The following DNASE1L3 variants were observed in gnomAD, a reference collection of about 807,000 sequenced individuals.
DNASE1L3 encodes deoxyribonuclease gamma.
DNASE1L3 carries 27 observed loss-of-function variants against 30.9 expected under a neutral mutation model. The observed-to-expected ratio is 0.87, with a 90% CI of 0.64 to 1.20. The LOEUF is 1.20. DNASE1L3 is among the 50% of genes most tolerant of loss of function. The pLI, the probability that DNASE1L3 is intolerant of heterozygous loss-of-function variation, is 0.00. For synonymous variants in DNASE1L3, 135 were observed against 138.0 expected (o/e 0.98, Z 0.15); for missense variants, 364 against 378.2 (o/e 0.96, Z 0.31).
intron 7 of DNASE1L3, 48 bp downstream of exon 7, chr3:58,193,295 C>T (rs778973623): frequency 1.2e-6 from 2 of 1,600,246 alleles, no homozygotes; most frequent in African/African-American, 1.3e-5. Flanking sequence ...CCCAAGCTAA[C>T]TCATCTTTCC....
At chr3:58,193,487 G>A (rs763090079) in intron 6 of DNASE1L3, 48 bp from the exon 7 acceptor site, 48 of 1,518,622 alleles carry the variant, frequency 3.2e-5, no homozygotes, top group Non-Finnish European at 1.5e-5. Context: ...ACCTGTGATT[G>A]CTGAGATCAA....
At chr3:58,205,861 G>A (rs1229914559) in intron 2 of DNASE1L3, among the ~76,000 whole-genome samples, 1 of 152,114 alleles carries the variant, frequency 6.6e-6, no homozygotes, top group Non-Finnish European at 1.5e-5. Context: ...CCCAAAACCC[G>A]CATGCTTTGG....
At chr3:58,203,783 G>C (rs2097402235) in intron 4 of DNASE1L3, among the ~76,000 whole-genome samples, 1 of 151,994 alleles carries the variant, frequency 6.6e-6, no homozygotes, top group Admixed American at 6.6e-5. Flanking sequence ...CTGGATGACA[G>C]AGCAAGGCCC....
At chr3:58,198,954 C>T (rs2097398984) in intron 5 of DNASE1L3, among the ~76,000 whole-genome samples, 1 of 152,168 alleles carries the variant, frequency 6.6e-6, no homozygotes, top group Non-Finnish European at 1.5e-5. Context: ...AACTTCCTAT[C>T]TTGGAAATAT....
At chr3:58,201,731 T>C (rs1341473467) in intron 4 of DNASE1L3, among the ~76,000 whole-genome samples, 3 of 152,258 alleles carry the variant, frequency 2.0e-5, no homozygotes, top group Non-Finnish European at 1.5e-5. Context: ...GCTTAGATTG[T>C]GTGGTCTGGC....
intron 4 of DNASE1L3, among the ~76,000 whole-genome samples, chr3:58,204,179 C>T (rs1308355910): frequency 2.0e-5 from 3 of 148,016 alleles, no homozygotes; most frequent in Admixed American, 6.8e-5. Context: ...CTCACTCTAT[C>T]GCCCAAGCTG....
intron 1 of DNASE1L3, among the ~76,000 whole-genome samples, chr3:58,208,560 T>C (rs1157522742): frequency 1.3e-5 from 2 of 152,116 alleles, no homozygotes; most frequent in Non-Finnish European, 2.9e-5. Flanking sequence ...GGAGGCAGAA[T>C]TTGAACCTAT....
Position 58,197,771 on chromosome 3 carries a change from T to C in DNASE1L3, c.704+50A>G. On this transcript the variant is annotated intron_variant, in intron 6 of 7. Coordinates refer to ENST00000394549, the MANE Select transcript of DNASE1L3 (RefSeq NM_004944.4). The surrounding 1 kb of genome is among the most constrained non-coding windows in gnomAD (Gnocchi z 5.3). ...CCCAGCCACCTTGCGTCTTTCCTAG[T>C]GCACACCAAGCACTGTGGTGAGCCA... 2 of 1,611,552 alleles carry C rather than the reference T, an allele frequency of 1.2e-6. No homozygotes were observed. The highest frequency in any genetic ancestry group is 1.7e-6 in the Non-Finnish European group (2 of 1,179,286).
At position 58,208,249 on chromosome 3, in the gene DNASE1L3, T is replaced by C. The variant is rs1486687026; in HGVS notation, c.199A>G (p.Ile67Val). The change falls in exon 2 of 8, where the codon ATC becomes GTC. Residue 67 changes from isoleucine to valine, a missense_variant. Transcript: ENST00000394549. ...AGCTTCTCCATCAGTATGGGGCAGA[T>C]CCTGTTGTTGCTGTCCTTGATTTCC... is the stretch of plus-strand genomic sequence containing the variant. ...VMEIKDSNNRICPILMEKLNR... is the reference protein window; with the variant it reads ...VMEIKDSNNRVCPILMEKLNR... The C allele has an allele frequency of 1.9e-6, 3 of 1,614,212 alleles. No individual in the cohort carries two copies. Among genetic ancestry groups the C allele is most frequent in the Non-Finnish European group, 2.5e-6 (3 of 1,180,028 alleles).
At chr3:58,202,673 G>T (rs965063404) in intron 4 of DNASE1L3, among the ~76,000 whole-genome samples, 2 of 151,712 alleles carry the variant, frequency 1.3e-5, no homozygotes, top group Non-Finnish European at 2.9e-5. Flanking sequence ...GACCATCATG[G>T]AGAAAACCTG....
At chr3:58,204,337 C>G (rs1207561814) in intron 4 of DNASE1L3, among the ~76,000 whole-genome samples, 3 of 152,030 alleles carry the variant, frequency 2.0e-5, no homozygotes, top group Non-Finnish European at 2.9e-5. Flanking sequence ...GACGGGGTTT[C>G]ACCATGTTGG....
At position 58,210,970 on chromosome 3, in the gene DNASE1L3, G is replaced by T. The variant is rs2097407433; in HGVS notation, c.-64C>A. On this transcript the variant is annotated 5_prime_UTR_variant, in exon 1 of 8. Coordinates refer to ENST00000394549, the MANE Select transcript of DNASE1L3 (RefSeq NM_004944.4). ...AGCAGTGCTTGGAGTGCTGGATTCT[G>T]GCCACTTCCGCAGGCTCCACTGACT... is the stretch of plus-strand genomic sequence containing the variant. The T allele has an allele frequency of 6.3e-7, 1 of 1,588,298 alleles. No individual in the cohort carries two copies. Among genetic ancestry groups the T allele is most frequent in the South Asian group, 1.1e-5 (1 of 89,716 alleles).
chr3:58,206,854 G>T (rs944453788), intron 2 of DNASE1L3, among the ~76,000 whole-genome samples: 1 of 152,132 alleles, frequency 6.6e-6, no homozygotes, highest in Admixed American at 6.5e-5. Flanking sequence ...CTTCCTGGCT[G>T]GGTAACTCAG....
chr3:58,206,015 G>C (rs559875746), intron 2 of DNASE1L3, among the ~76,000 whole-genome samples: 1 of 152,186 alleles, frequency 6.6e-6, no homozygotes, highest in African/African-American at 2.4e-5. Context: ...CCGTGTCCAC[G>C]AACCACTCCT....
intron 7 of DNASE1L3, chr3:58,193,075 CTTTTTTT>C (rs11289117): frequency 2.0e-5 from 25 of 1,272,812 alleles, no homozygotes; most frequent in Admixed American, 1.2e-4. Context: ...ATCAACCCAT[CTTTTTTT>C]TTTTTTTTTT....
intron 1 of DNASE1L3, among the ~76,000 whole-genome samples, chr3:58,210,317 C>A (rs1363903193): frequency 6.6e-6 from 1 of 152,032 alleles, no homozygotes; most frequent in Non-Finnish European, 1.5e-5. Flanking sequence ...AGGAGCTGGG[C>A]TTTGCTGGTG....
chr3:58,196,422 G>A (rs918267539), intron 6 of DNASE1L3, among the ~76,000 whole-genome samples: 2 of 151,434 alleles, frequency 1.3e-5, no homozygotes, highest in African/African-American at 2.4e-5. Context: ...GCGTGGTGGC[G>A]GGCGCCTGTA....
At position 58,197,833 on chromosome 3, in the gene DNASE1L3, C is replaced by T; in HGVS notation, c.692G>A (p.Cys231Tyr). 3 of 1,614,040 alleles carry T rather than the reference C, an allele frequency of 1.9e-6. No homozygotes were observed. Among genetic ancestry groups the T allele is most frequent in the Non-Finnish European group, 2.5e-6 (3 of 1,180,034 alleles). ...EDTTVKKSTN[C>Y]AYDRIVLRGQ... ...CAGGGCCTCCTACCTGTCATATGCA[C>T]AGTTGGTGCTCTTCTTCACCGTGGT... Residue 231 changes from cysteine to tyrosine, a missense_variant, in exon 6 of 8, where the codon TGT becomes TAT. Physicochemically the swap from Cys to Tyr is radical, Grantham distance 194. Coordinates refer to ENST00000394549, the MANE Select transcript of DNASE1L3 (RefSeq NM_004944.4). The surrounding 1 kb of genome is among the most constrained non-coding windows in gnomAD (Gnocchi z 5.3).
chr3:58,204,778 G>C lies in DNASE1L3; in HGVS notation c.424C>G (p.Pro142Ala). 1 of 1,614,162 alleles carries C rather than the reference G, an allele frequency of 6.2e-7. No homozygotes were observed. Among genetic ancestry groups the C allele is most frequent in the East Asian group, 2.2e-5 (1 of 44,890 alleles). ...CCTGTGTGGGTCTTACCAGTGTGGG[G>C]AGATTGGAACCAGACCACAAAGGGC... is the stretch of plus-strand genomic sequence containing the variant. ...REPFVVWFQS[P>A]HTAVKDFVII... Residue 142 changes from proline (P) to alanine (A), a missense_variant, in exon 4 of 8, where the codon CCC becomes GCC. Coordinates refer to ENST00000394549, the MANE Select transcript of DNASE1L3 (RefSeq NM_004944.4).
Sources: allele counts gnomAD v4.1 joint callset (sites outside exome capture counted in the v4.1 genomes callset), GRCh38; gene constraint gnomAD v4.1.1; non-coding constraint Gnocchi (gnomAD v3.1); transcripts MANE v1.5; gene names NCBI Gene and HGNC (gene_info 2026-07-23, HGNC 2026-07-21).